The following GLIS1 variants were observed in gnomAD, a reference collection of about 807,000 sequenced individuals.
GLIS1 encodes zinc finger protein GLIS1.
In GLIS1, 24 loss-of-function variants were observed where a neutral mutation model predicts 63.8. The observed-to-expected ratio is 0.38, with a 90% confidence interval of 0.27 to 0.53. The LOEUF is 0.53. Among genes scored for constraint, GLIS1 ranks in the 20% least tolerant of loss-of-function variants. The pLI is 0.85. For missense variants in GLIS1, 1,036 were observed against 1,074.1 expected (o/e 0.96, Z 0.50); for synonymous variants, 450 against 482.5 (o/e 0.93, Z 0.88).
In GLIS1 at chr1:53,739,161, CA is replaced by C. The variant is rs1479623529; in HGVS notation, c.-100del. On this transcript the variant is annotated 5_prime_UTR_variant, in exon 1 of 11. Coordinates refer to ENST00000628545, the MANE Select transcript of GLIS1 (RefSeq NM_001367484.1). ...CCGGCTCGGCGCGCCTCCACTGGCGCAGCAGCCCCCGCAGCCGCCGCAGCCG... is the reference window on the plus strand; with the variant it reads ...CCGGCTCGGCGCGCCTCCACTGGCGCGCAGCCCCCGCAGCCGCCGCAGCCG... 1.9e-5 allele frequency among the ~76,000 whole-genome samples: 2 copies of C among 106,468 alleles called. No individual in the cohort carries two copies. The highest frequency in any genetic ancestry group is 2.2e-4 in the Admixed American group (2 of 9,250). 69.8% of individuals were successfully genotyped at this position (106,468 alleles called of 152,430 possible).
At chr1:53,590,588 T>C (rs1449729365) in intron 4 of GLIS1, among the ~76,000 whole-genome samples, 1 of 152,214 alleles carries the variant, frequency 6.6e-6, no homozygotes, top group East Asian at 1.9e-4. Flanking sequence ...TAAGAAAGCA[T>C]GAAATTAATC....
At chr1:53,655,648 G>T (rs1645957342) in intron 2 of GLIS1, among the ~76,000 whole-genome samples, 1 of 152,142 alleles carries the variant, frequency 6.6e-6, no homozygotes. Context: ...GACGTTCTGG[G>T]CACCCCCAGC....
At position 53,697,249 on chromosome 1, in the gene GLIS1, C is replaced by G. The variant is rs181846722; in HGVS notation, c.259+40557G>C. 2.0e-5 allele frequency among the ~76,000 whole-genome samples: 3 copies of G among 152,280 alleles called. No individual in the cohort carries two copies. In the East Asian group the frequency reaches 5.8e-4, roughly 29 times the overall value. ...AGCAATGCCAACCTGAGTGGGTCAC[C>G]CTGCCCAAAATCCTTCAGAGACTCC... On this transcript the variant is annotated intron_variant, in intron 2 of 10. Coordinates refer to ENST00000628545, the MANE Select transcript of GLIS1 (RefSeq NM_001367484.1).
chr1:53,640,562 A>C (rs1287957744), intron 2 of GLIS1, among the ~76,000 whole-genome samples: 1 of 152,054 alleles, frequency 6.6e-6, no homozygotes, highest in Non-Finnish European at 1.5e-5. Context: ...GGCTGTTTAG[A>C]GTCTGACAGC....
chr1:53,665,441 G>C (rs563561401), intron 2 of GLIS1, among the ~76,000 whole-genome samples: 1 of 152,160 alleles, frequency 6.6e-6, no homozygotes, highest in Non-Finnish European at 1.5e-5. Context: ...TATCAATTTT[G>C]GATCTACCAC....
chr1:53,674,171 CAAA>C lies in GLIS1; in HGVS notation c.259+63632_259+63634del, dbSNP rs11297748. Among the ~76,000 whole-genome samples, 161 of 94,076 alleles carry C rather than the reference CAAA, an allele frequency of 1.7e-3. 1 individual carries two copies. The highest frequency in any genetic ancestry group is 5.9e-3 in the African/African-American group (142 of 24,238). The allele number at this position is 94,076 out of a possible 152,430, so 61.7% of individuals were successfully genotyped here. A position where few individuals can be genotyped will look rare whatever the true frequency, so the allele number is the denominator to read the frequency against. ...TGGGTGACAGAGCGAGACTCTGTCT[CAAA>C]AAAAAAAAAAAAAAAGAAAAGAAAA... On this transcript the variant is annotated intron_variant, in intron 2 of 10. Transcript: ENST00000628545.
chr1:53,616,490 C>T (rs903606614), intron 2 of GLIS1, among the ~76,000 whole-genome samples: 1 of 152,098 alleles, frequency 6.6e-6, no homozygotes, highest in Non-Finnish European at 1.5e-5. Context: ...GGTTTTTTCC[C>T]CCTCACTGAT....
intron 2 of GLIS1, among the ~76,000 whole-genome samples, chr1:53,653,087 G>T (rs972922844): frequency 1.3e-5 from 2 of 152,218 alleles, no homozygotes; most frequent in African/African-American, 4.8e-5. Flanking sequence ...GGCAGGCCCT[G>T]TGGGCCCAAA....
At chr1:53,717,392 C>T (rs1306978565) in intron 2 of GLIS1, among the ~76,000 whole-genome samples, 1 of 152,178 alleles carries the variant, frequency 6.6e-6, no homozygotes, top group Non-Finnish European at 1.5e-5. Context: ...GACATACATA[C>T]CTACTCACCT....
intron 5 of GLIS1, among the ~76,000 whole-genome samples, chr1:53,528,918 G>C (rs1644499199): frequency 6.6e-6 from 1 of 152,138 alleles, no homozygotes; most frequent in Non-Finnish European, 1.5e-5. Flanking sequence ...ATGGGGGCTG[G>C]GGTCCTCCTC....
intron 8 of GLIS1, among the ~76,000 whole-genome samples, 175 bp downstream of exon 8, chr1:53,514,450 C>T (rs759122881): frequency 5.3e-5 from 8 of 152,146 alleles, no homozygotes; most frequent in South Asian, 2.1e-4. Flanking sequence ...CAGGCACCAA[C>T]GGAATCATGC....
chr1:53,553,294 A>G (rs1225969865), intron 4 of GLIS1, among the ~76,000 whole-genome samples: 2 of 152,142 alleles, frequency 1.3e-5, no homozygotes, highest in African/African-American at 4.8e-5. Context: ...AGGTGCACCC[A>G]GTCTTGGTTC....
At position 53,594,099 on chromosome 1, in the gene GLIS1, G is replaced by A. The variant is rs1286696674; in HGVS notation, c.1320+9C>T. On this transcript the variant is annotated intron_variant, in intron 4 of 10. Coordinates refer to ENST00000628545, the MANE Select transcript of GLIS1 (RefSeq NM_001367484.1). ...CTGGGGTGAGGCCTGGCGGCCGGTG[G>A]GAACTCACCATGCACTTGTTGGGCT... The A allele has an allele frequency of 6.3e-7, 1 of 1,598,704 alleles. No homozygotes were observed. Among genetic ancestry groups the A allele is most frequent in the African/African-American group, 1.3e-5 (1 of 74,654 alleles).
chr1:53,556,538 G>GCAT (rs1644830421), intron 4 of GLIS1, among the ~76,000 whole-genome samples: 3 of 93,912 alleles, frequency 3.2e-5, no homozygotes, highest in African/African-American at 5.0e-5. Flanking sequence ...GTGTACTGCA[G>GCAT]GTGTGTGTGT....
Position 53,737,931 on chromosome 1 carries a change from C to T in GLIS1, c.134G>A (p.Cys45Tyr), listed in dbSNP as rs1217698299. The change falls in exon 2 of 11, where the codon TGC (cysteine) becomes TAC (tyrosine). Residue 45 changes from cysteine to tyrosine, a missense_variant. Transcript: ENST00000628545. ...CAGGTCCCGCGGGCCCCTGTCCCCG[C>T]AGCCGCCGCCACTCACGGTGACCCT... The part of the protein sequence containing the change: ...AFRVTVSGGG[C>Y]GDRGPRDLLA... 2 of 1,230,082 alleles carry T rather than the reference C, an allele frequency of 1.6e-6. No homozygotes were observed. The highest frequency in any genetic ancestry group is 4.2e-5 in the Admixed American group (1 of 23,638). 76.2% of individuals were successfully genotyped at this position (1,230,082 alleles called of 1,614,324 possible).
intron 7 of GLIS1, among the ~76,000 whole-genome samples, chr1:53,515,895 G>T (rs887205621): frequency 6.6e-6 from 1 of 151,066 alleles, no homozygotes; most frequent in African/African-American, 2.4e-5. Flanking sequence ...TGGAGCCCAG[G>T]CCTCCTCCAG....
intron 2 of GLIS1, among the ~76,000 whole-genome samples, chr1:53,667,511 G>C (rs79655890): frequency 0.026 from 4,033 of 152,320 alleles, 73 homozygotes; most frequent in South Asian, 0.098. Flanking sequence ...CCTTGGTCCT[G>C]GTCTGGCCCC....
At position 53,526,455 on chromosome 1, in the gene GLIS1, C is replaced by A. The variant is rs1218108055; in HGVS notation, c.1483-1568G>T. On this transcript the variant is annotated intron_variant, in intron 5 of 10. Transcript: ENST00000628545. The surrounding 1 kb of genome is among the most constrained non-coding windows in gnomAD (Gnocchi z 4.4). ...GTTGGCCTGGGAGGGAGAGCGGAGG[C>A]CTGCCGCGGATGGCCCCTGCTGCCC... Among the ~76,000 whole-genome samples, 1 of 152,126 alleles carries A rather than the reference C, an allele frequency of 6.6e-6. No individual in the cohort carries two copies. Among genetic ancestry groups the A allele is most frequent in the Non-Finnish European group, 1.5e-5 (1 of 68,006 alleles).
rs1179817758 is a variant in GLIS1, at chr1:53,646,577, A to C, written c.260-46299T>G. Among the ~76,000 whole-genome samples the C allele has an allele frequency of 1.3e-5, 2 of 152,184 alleles. No homozygotes were observed. The highest frequency in any genetic ancestry group is 2.4e-5 in the African/African-American group (1 of 41,452). On this transcript the variant is annotated intron_variant, in intron 2 of 10. Transcript: ENST00000628545. The surrounding 1 kb of genome is among the most constrained non-coding windows in gnomAD (Gnocchi z 4.2). ...GTAATTCCAGCGCTTTGGGAGGCTA[A>C]GGTGGGTGGATCAGTTGAGGTCAGG...
Sources: allele counts gnomAD v4.1 joint callset (sites outside exome capture counted in the v4.1 genomes callset), GRCh38; gene constraint gnomAD v4.1.1; non-coding constraint Gnocchi (gnomAD v3.1); transcripts MANE v1.5; gene names NCBI Gene and HGNC (gene_info 2026-07-23, HGNC 2026-07-21).